Variants in SNX6 observed in about 807,000 individuals in gnomAD.
SNX6 encodes sorting nexin-6.
SNX6 carries 34 observed loss-of-function variants against 63.0 expected under a neutral mutation model. That is an observed-to-expected ratio of 0.54 (90% CI 0.41 to 0.72). SNX6 has a LOEUF of 0.72. Ranked by LOEUF, SNX6 falls within the 30% of genes least tolerant of loss-of-function variation. The pLI, the probability that SNX6 is intolerant of heterozygous loss-of-function variation, is 0.00. For synonymous variants in SNX6, 170 were observed against 164.2 expected, an observed-to-expected ratio of 1.04 and a Z score of -0.27; for missense variants, 398 against 471.4, an observed-to-expected ratio of 0.84 and a Z score of 1.44.
At chr14:34,571,987 T>A (rs1765959619) in intron 11 of SNX6, among the ~76,000 whole-genome samples, 1 of 152,178 alleles carries the variant, frequency 6.6e-6, no homozygotes, top group African/African-American at 2.4e-5. Flanking sequence ...CGCCCAGCCC[T>A]GCTTTCATTT....
At chr14:34,587,274 T>C (rs563330303) in intron 8 of SNX6, among the ~76,000 whole-genome samples, 11 of 151,732 alleles carry the variant, frequency 7.2e-5, no homozygotes, top group Admixed American at 3.9e-4. Flanking sequence ...GGCTCATGCC[T>C]GTAATCCCAG....
intron 8 of SNX6, among the ~76,000 whole-genome samples, chr14:34,590,213 G>A (rs1241619760): frequency 1.3e-5 from 2 of 152,074 alleles, no homozygotes; most frequent in Non-Finnish European, 1.5e-5. Context: ...CAGATTACGA[G>A]GTGAGGAGAT....
chr14:34,619,951 A>G (rs984478112), intron 2 of SNX6, among the ~76,000 whole-genome samples: 9 of 152,080 alleles, frequency 5.9e-5, no homozygotes, highest in African/African-American at 2.2e-4. Context: ...GGCTCAAGCG[A>G]TCCTCCCACC....
Position 34,603,456 on chromosome 14 carries a change from T to C in SNX6, c.408A>G (p.Ile136Met). 6.3e-7 allele frequency: 1 copy of C among 1,595,520 alleles called. No individual in the cohort carries two copies. The highest frequency in any genetic ancestry group is 8.5e-7 in the Non-Finnish European group (1 of 1,172,110). ...CATGCATCGCAACTGTCTTCTTGAA[T>C]ATTGCCAAATATTCACTAGAAACAA... ...KQELEAEYLA[I>M]FKKTVAMHEV... The change falls in exon 6 of 14, where the codon ATA becomes ATG. Residue 136 changes from isoleucine (I) to methionine (M), a missense_variant. By Grantham distance (10) the Ile-to-Met change is conservative (BLOSUM62 1). Coordinates refer to ENST00000362031, the MANE Select transcript of SNX6 (RefSeq NM_152233.4).
intron 13 of SNX6, among the ~76,000 whole-genome samples, chr14:34,564,646 G>A (rs1397053482): frequency 6.6e-6 from 1 of 151,952 alleles, no homozygotes; most frequent in African/African-American, 2.4e-5. Flanking sequence ...TGGCCAACAT[G>A]GTGAAACCCT....
chr14:34,602,696 G>A (rs1285140849), intron 6 of SNX6, among the ~76,000 whole-genome samples: 2 of 152,038 alleles, frequency 1.3e-5, no homozygotes, highest in African/African-American at 4.8e-5. Context: ...AGAACTTGGG[G>A]CCGGGCACGG....
At chr14:34,598,926 T>C (rs1406304367) in intron 6 of SNX6, among the ~76,000 whole-genome samples, 1 of 152,144 alleles carries the variant, frequency 6.6e-6, no homozygotes, top group Non-Finnish European at 1.5e-5. Context: ...GAGAAGTGAT[T>C]AGGTCATGAG....
chr14:34,624,809 A>AT (rs1566496058), intron 2 of SNX6, among the ~76,000 whole-genome samples: 1 of 151,538 alleles, frequency 6.6e-6, no homozygotes, highest in Non-Finnish European at 1.5e-5. Context: ...AAAAAAAAAA[A>AT]TTTTTTTTGC....
At chr14:34,595,326 A>C (rs1200106526) in intron 7 of SNX6, among the ~76,000 whole-genome samples, 1 of 151,958 alleles carries the variant, frequency 6.6e-6, no homozygotes, top group Non-Finnish European at 1.5e-5. Context: ...TAGTAGAGAC[A>C]GGGTTTCTCC....
intron 11 of SNX6, among the ~76,000 whole-genome samples, chr14:34,571,002 C>T (rs1254297265): frequency 2.0e-4 from 27 of 134,650 alleles, no homozygotes; most frequent in Middle Eastern, 5.1e-3. Context: ...GGATTACAGA[C>T]GTCAGCCACC....
chr14:34,586,551 TA>T (rs532840262), intron 8 of SNX6, among the ~76,000 whole-genome samples: 2 of 150,900 alleles, frequency 1.3e-5, no homozygotes, highest in African/African-American at 2.4e-5. Context: ...CTATCAAAAA[TA>T]AAAAAATCAG....
rs540539727 is a variant in SNX6, at chr14:34,598,542, CCAT to C, written c.517-900_517-898del. ...GAGTAGCTGGGACCACAGGCATGTA[CCAT>C]CATGCCCAACTATTTTTAATAGAGA... On this transcript the variant is annotated intron_variant, in intron 6 of 13. Coordinates refer to ENST00000362031, the MANE Select transcript of SNX6 (RefSeq NM_152233.4). Among the ~76,000 whole-genome samples, 29 of 152,272 alleles carry C rather than the reference CCAT, an allele frequency of 1.9e-4. No homozygotes were observed. The South Asian group carries it at 5.8e-3, about 30-fold the overall frequency.
At chr14:34,629,463 C>T (rs1303679523) in intron 2 of SNX6, 1 of 467,038 alleles carries the variant, frequency 2.1e-6, no homozygotes, top group Non-Finnish European at 4.3e-6. Flanking sequence ...TACACCTGTA[C>T]TATTTGAGAG....
chr14:34,622,282 T>C (rs1270345248), intron 2 of SNX6, among the ~76,000 whole-genome samples: 3 of 148,114 alleles, frequency 2.0e-5, no homozygotes, highest in Non-Finnish European at 4.5e-5. Context: ...TTTCCTAGCT[T>C]AAAATTCCTC....
chr14:34,573,511 G>A (rs1420649881), intron 11 of SNX6, among the ~76,000 whole-genome samples: 2 of 151,858 alleles, frequency 1.3e-5, no homozygotes, highest in Non-Finnish European at 2.9e-5. Flanking sequence ...GCAGGCAGAG[G>A]TTGCCATAAC....
chr14:34,571,517 C>G (rs1260406747), intron 11 of SNX6, among the ~76,000 whole-genome samples: 4 of 152,092 alleles, frequency 2.6e-5, no homozygotes, highest in Non-Finnish European at 5.9e-5. Context: ...CCTGAAAACA[C>G]TATATACTAC....
intron 6 of SNX6, among the ~76,000 whole-genome samples, chr14:34,602,840 G>C (rs1882873427): frequency 1.3e-5 from 2 of 150,926 alleles, no homozygotes; most frequent in African/African-American, 4.9e-5. Flanking sequence ...GCAGGGCATA[G>C]TGGCGGGCGC....
intron 11 of SNX6, among the ~76,000 whole-genome samples, chr14:34,573,472 C>T (rs988984940): frequency 2.0e-5 from 3 of 151,834 alleles, no homozygotes; most frequent in Non-Finnish European, 4.4e-5. Context: ...CTACTCAGGA[C>T]GCGGAGGCAG....
intron 7 of SNX6, among the ~76,000 whole-genome samples, chr14:34,596,880 G>A (rs1456528135): frequency 6.6e-6 from 1 of 151,948 alleles, no homozygotes; most frequent in Non-Finnish European, 1.5e-5. Flanking sequence ...ATGTTGACCA[G>A]GTTGGTCTCG....
Sources: allele counts gnomAD v4.1 joint callset (sites outside exome capture counted in the v4.1 genomes callset), GRCh38; gene constraint gnomAD v4.1.1; transcripts MANE v1.5; gene names NCBI Gene and HGNC (gene_info 2026-07-23, HGNC 2026-07-21).